CEPT1: variants seen among roughly 807,000 people sequenced by gnomAD.
CEPT1 encodes choline/ethanolamine phosphotransferase 1.
A neutral mutation model predicts 42.6 loss-of-function variants in CEPT1; 7 were observed. That is an observed-to-expected ratio of 0.16 (90% CI 0.09 to 0.31). CEPT1 has a LOEUF of 0.31. Among genes scored for constraint, CEPT1 ranks in the 10% least tolerant of loss-of-function variants. CEPT1 has a pLI of 1.00. For missense variants in CEPT1, 306 were observed against 502.1 expected, an observed-to-expected ratio of 0.61 and a Z score of 3.73; for synonymous variants, 171 against 171.9, an observed-to-expected ratio of 0.99 and a Z score of 0.04.
At chr1:111,158,294 A>G (rs1463896206) in intron 2 of CEPT1, among the ~76,000 whole-genome samples, 1 of 152,364 alleles carries the variant, frequency 6.6e-6, no homozygotes, top group African/African-American at 2.4e-5. Flanking sequence ...CGGAGGTTGC[A>G]GTAAGCCAAG....
chr1:111,141,152 A>G (rs930041043), intron 1 of CEPT1, among the ~76,000 whole-genome samples: 8 of 152,208 alleles, frequency 5.3e-5, no homozygotes, highest in African/African-American at 1.9e-4. Context: ...TTGTATGTGG[A>G]CAAAGAATAA....
chr1:111,156,279 A>G (rs1326813671), intron 2 of CEPT1, among the ~76,000 whole-genome samples: 1 of 152,174 alleles, frequency 6.6e-6, no homozygotes, highest in Admixed American at 6.5e-5. Context: ...AATGACCCCA[A>G]CGCAAATATT....
intron 4 of CEPT1, among the ~76,000 whole-genome samples, chr1:111,170,073 A>G (rs541823271): frequency 6.6e-6 from 1 of 152,292 alleles, no homozygotes; most frequent in East Asian, 1.9e-4. Flanking sequence ...GACCTGTTTT[A>G]GCTGACTCCC....
In CEPT1 at chr1:111,184,473, A is replaced by G; in HGVS notation, c.*163A>G. The G allele has an allele frequency of 1.9e-6, 1 of 517,076 alleles. No homozygotes were observed. The highest frequency in any genetic ancestry group is 3.2e-5 in the South Asian group (1 of 31,338). 32.0% of individuals were successfully genotyped at this position (517,076 alleles called of 1,614,324 possible). ...CACGCCCTAACTATCCTGTGTGAGA[A>G]TGGGAATTTCAAGTCCCATCTTGTA... On this transcript the variant is annotated 3_prime_UTR_variant, in exon 9 of 9. Transcript: ENST00000357172.
chr1:111,182,476 C>A, intron 6 of CEPT1, 158 bp downstream of exon 6: 1 of 746,314 alleles, frequency 1.3e-6, no homozygotes, highest in Non-Finnish European at 2.1e-6. Flanking sequence ...TTTATATATA[C>A]TTACCCACAT....
At chr1:111,153,041 C>T (rs1183788976) in intron 2 of CEPT1, among the ~76,000 whole-genome samples, 1 of 152,124 alleles carries the variant, frequency 6.6e-6, no homozygotes, top group Admixed American at 6.5e-5. Flanking sequence ...TATATTCAGC[C>T]TACATTGCTG....
chr1:111,182,279 C>T lies in CEPT1; in HGVS notation c.807C>T (p.Ile269=). ...IFSCTNYFRV[I]FTGGVGKNGS... Reference sequence around the variant, plus strand: ...CCTGTACAAATTACTTCCGTGTAATCTTCACAGGTGGTGTTGGCAAAAATG... The same window carrying T: ...CCTGTACAAATTACTTCCGTGTAATTTTCACAGGTGGTGTTGGCAAAAATG... Residue 269 remains isoleucine, a synonymous_variant, in exon 6 of 9, where the codon ATC becomes ATT. Coordinates refer to ENST00000357172, the MANE Select transcript of CEPT1 (RefSeq NM_006090.5). 1.2e-6 allele frequency: 2 copies of T among 1,613,192 alleles called. No individual in the cohort carries two copies. The highest frequency in any genetic ancestry group is 1.7e-6 in the Non-Finnish European group (2 of 1,179,498).
chr1:111,168,121 G>A (rs184624205), intron 4 of CEPT1, among the ~76,000 whole-genome samples: 3 of 151,874 alleles, frequency 2.0e-5, no homozygotes, highest in Non-Finnish European at 2.9e-5. Flanking sequence ...TAGTCCTCCC[G>A]CCTCAGCCTT....
intron 2 of CEPT1, among the ~76,000 whole-genome samples, chr1:111,148,441 A>G (rs1451455608): frequency 1.3e-5 from 2 of 151,500 alleles, no homozygotes; most frequent in Admixed American, 1.3e-4. Flanking sequence ...AACTAGCCTT[A>G]TCAAAAGGTT....
chr1:111,172,210 T>C (rs540822235), intron 4 of CEPT1, among the ~76,000 whole-genome samples: 3 of 152,184 alleles, frequency 2.0e-5, no homozygotes, highest in Non-Finnish European at 4.4e-5. Flanking sequence ...ATCACTGGCA[T>C]TTGGGTCCTC....
At chr1:111,165,610 T>C (rs1340444822) in intron 4 of CEPT1, among the ~76,000 whole-genome samples, 1 of 152,212 alleles carries the variant, frequency 6.6e-6, no homozygotes. Flanking sequence ...TTCTTTCTGT[T>C]TATAAAGTCT....
chr1:111,169,089 A>G (rs1656287914), intron 4 of CEPT1, among the ~76,000 whole-genome samples: 1 of 152,224 alleles, frequency 6.6e-6, no homozygotes, highest in Admixed American at 6.5e-5. Flanking sequence ...TTAGGGAATA[A>G]TGACAAGGAA....
intron 4 of CEPT1, among the ~76,000 whole-genome samples, chr1:111,165,962 C>T (rs190912695): frequency 1.1e-4 from 17 of 152,180 alleles, no homozygotes; most frequent in Admixed American, 6.5e-5. Context: ...ATGTATAATC[C>T]ACTTTCTATG....
chr1:111,184,162 G>T, intron 8 of CEPT1, 29 bp from the exon 9 acceptor site: 1 of 1,611,422 alleles, frequency 6.2e-7, no homozygotes, highest in Non-Finnish European at 8.5e-7. Flanking sequence ...AGCCTAAACG[G>T]GTGCTGAGAA....
intron 5 of CEPT1, among the ~76,000 whole-genome samples, chr1:111,177,992 C>T (rs1656771592): frequency 6.6e-6 from 1 of 152,128 alleles, no homozygotes; most frequent in South Asian, 2.1e-4. Flanking sequence ...ACTCCCAATA[C>T]GGATTCCCAT....
intron 2 of CEPT1, among the ~76,000 whole-genome samples, chr1:111,159,119 T>C (rs1386041991): frequency 6.7e-6 from 1 of 149,920 alleles, no homozygotes; most frequent in African/African-American, 2.5e-5. Context: ...TTCACCGTTT[T>C]TTAGCCGGGA....
chr1:111,169,254 C>G lies in CEPT1; in HGVS notation c.630-5625C>G, dbSNP rs537921820. ...TTTACCCTTACACTGTCTTCTGGTA[C>G]TTTCTCCAAAGACCTGTAGCTTTAT... On this transcript the variant is annotated intron_variant, in intron 4 of 8. Coordinates refer to ENST00000357172, the MANE Select transcript of CEPT1 (RefSeq NM_006090.5). 8.5e-5 allele frequency among the ~76,000 whole-genome samples: 13 copies of G among 152,266 alleles called. No individual in the cohort carries two copies. The South Asian group carries it at 2.5e-3, about 29-fold the overall frequency.
intron 2 of CEPT1, among the ~76,000 whole-genome samples, chr1:111,158,543 C>T (rs906549074): frequency 3.3e-5 from 5 of 152,144 alleles, no homozygotes; most frequent in African/African-American, 1.2e-4. Flanking sequence ...ATGTTACAAA[C>T]TCAAATAAAT....
chr1:111,172,686 C>T (rs1007635149), intron 4 of CEPT1, among the ~76,000 whole-genome samples: 3 of 152,166 alleles, frequency 2.0e-5, no homozygotes, highest in Non-Finnish European at 2.9e-5. Context: ...CTGCATGCAC[C>T]CTTTTTCATT....
Sources: gnomAD v4.1 joint callset for allele counts (sites outside exome capture counted in the v4.1 genomes callset) on GRCh38, gnomAD v4.1.1 for gene constraint, MANE v1.5 for transcripts, NCBI Gene and HGNC (gene_info 2026-07-23, HGNC 2026-07-21) for gene names.